FANCC: variants seen among roughly 807,000 people sequenced by gnomAD.
FANCC encodes FA complementation group C.
FANCC carries 55 observed loss-of-function variants against 71.3 expected under a neutral mutation model. The observed-to-expected ratio is 0.77, with a 90% CI of 0.62 to 0.97. The LOEUF is 0.97. Ranked by LOEUF, FANCC falls within the 50% of genes least tolerant of loss-of-function variation. The pLI is 0.00. For missense variants in FANCC, 678 were observed against 670.9 expected, an observed-to-expected ratio of 1.01 and a Z score of -0.12; for synonymous variants, 275 against 244.9, an observed-to-expected ratio of 1.12 and a Z score of -1.15.
At chr9:95,155,770 T>G (rs1323377317) in intron 6 of FANCC, among the ~76,000 whole-genome samples, 2 of 152,250 alleles carry the variant, frequency 1.3e-5, no homozygotes, top group African/African-American at 4.8e-5. Flanking sequence ...CAGGCTAGAG[T>G]GCAGTGGTGC....
intron 11 of FANCC, among the ~76,000 whole-genome samples, chr9:95,115,266 A>G (rs2072298822): frequency 6.6e-6 from 1 of 152,306 alleles, no homozygotes; most frequent in South Asian, 2.1e-4. Flanking sequence ...ATTCAGGTAC[A>G]TGGAAGTAGC....
Position 95,171,128 on chromosome 9 carries a change from C to T in FANCC, c.472G>A (p.Ala158Thr), listed in dbSNP as rs372338418. Reference sequence around the variant, plus strand: ...AGATGATTCTCTCTGAGTTCAGACGCTAATGATAAAACCATCTGTAAAACA... The same window carrying T: ...AGATGATTCTCTCTGAGTTCAGACGTTAATGATAAAACCATCTGTAAAACA... ...GLLKNMVLSL[A>T]SELRENHLNG... Residue 158 changes from alanine (A) to threonine (T), a missense_variant, in exon 6 of 15, where the codon GCG becomes ACG. Ala to Thr is a moderately conservative substitution (Grantham distance 58, BLOSUM62 0). Transcript: ENST00000289081. 6.2e-7 allele frequency: 1 copy of T among 1,613,364 alleles called. No homozygotes were observed. Among genetic ancestry groups the T allele is most frequent in the Non-Finnish European group, 8.5e-7 (1 of 1,179,512 alleles).
chr9:95,288,174 T>C (rs1336853351), intron 1 of FANCC, among the ~76,000 whole-genome samples: 5 of 152,218 alleles, frequency 3.3e-5, no homozygotes, highest in Non-Finnish European at 7.3e-5. Flanking sequence ...CTAAAAACAT[T>C]CTTGCTTTCT....
At chr9:95,252,465 G>A (rs1289097275) in intron 1 of FANCC, among the ~76,000 whole-genome samples, 3 of 151,690 alleles carry the variant, frequency 2.0e-5, no homozygotes, top group Non-Finnish European at 4.4e-5. Flanking sequence ...GCAGGCCCGG[G>A]GCTGGGCGCC....
At chr9:95,227,670 G>C (rs1829708093) in intron 4 of FANCC, among the ~76,000 whole-genome samples, 1 of 152,076 alleles carries the variant, frequency 6.6e-6, no homozygotes, top group Admixed American at 6.6e-5. Context: ...GTGTCCCCCA[G>C]CCCCCATTTA....
intron 4 of FANCC, among the ~76,000 whole-genome samples, chr9:95,194,275 C>T (rs780765735): frequency 6.6e-6 from 1 of 152,104 alleles, no homozygotes; most frequent in East Asian, 1.9e-4. Context: ...TCCTACTTTT[C>T]GTTTACCTAA....
At chr9:95,136,970 ACCTGCACAT>A (rs1398444417) in intron 7 of FANCC, among the ~76,000 whole-genome samples, 1 of 152,014 alleles carries the variant, frequency 6.6e-6, no homozygotes, top group Non-Finnish European at 1.5e-5. Flanking sequence ...CCTGCCCTTT[ACCTGCACAT>A]CCCAGACAGT....
rs777734585 is a variant in FANCC, at chr9:95,171,090, G to A, written c.510C>T (p.Asn170=). Residue 170 remains asparagine, a synonymous_variant, in exon 6 of 15, where the codon AAC becomes AAT. Coordinates refer to ENST00000289081, the MANE Select transcript of FANCC (RefSeq NM_000136.3). ...AGTTTAACACCTACCGCCTTTGAGT[G>A]TTAAATCCATTAAGATGATTCTCTC... ...ELRENHLNGF[N]TQRRMAPERV... 1.2e-6 allele frequency: 2 copies of A among 1,612,644 alleles called. No individual in the cohort carries two copies. Among genetic ancestry groups the A allele is most frequent in the African/African-American group, 2.7e-5 (2 of 74,886 alleles).
At chr9:95,315,729 T>C (rs2136445677) in intron 1 of FANCC, among the ~76,000 whole-genome samples, 1 of 152,338 alleles carries the variant, frequency 6.6e-6, no homozygotes, top group African/African-American at 2.4e-5. Context: ...TTTGAGGCCC[T>C]AACACTACCA....
At chr9:95,221,158 G>A (rs536519777) in intron 4 of FANCC, among the ~76,000 whole-genome samples, 253 of 152,174 alleles carry the variant, frequency 1.7e-3, no homozygotes, top group Non-Finnish European at 2.5e-3. Context: ...GCTTGAACCC[G>A]GGAGCTGAGA....
At chr9:95,102,070 C>T (rs541160242) in intron 14 of FANCC, among the ~76,000 whole-genome samples, 10 of 152,312 alleles carry the variant, frequency 6.6e-5, no homozygotes, top group African/African-American at 1.9e-4. Context: ...CATTTCCTAA[C>T]GAGCCTCCTC....
In FANCC at chr9:95,247,519, G is replaced by A. The variant is rs1554857868; in HGVS notation, c.166-3C>T. The A allele has an allele frequency of 1.2e-6, 2 of 1,610,398 alleles. No individual in the cohort carries two copies. The highest frequency in any genetic ancestry group is 1.1e-5 in the South Asian group (1 of 90,994). On this transcript the variant is annotated splice_polypyrimidine_tract_variant and splice_region_variant and intron_variant, in intron 2 of 14. Coordinates refer to ENST00000289081, the MANE Select transcript of FANCC (RefSeq NM_000136.3). ...CTTTCAATGACTGTATTAGAATCCT[G>A]TGAAAGAAAAATAAATTTTGGTCAG...
At position 95,111,570 on chromosome 9, in the gene FANCC, C is replaced by T. The variant is rs2134550134; in HGVS notation, c.1222G>A (p.Ala408Thr). ...IHFGGWAEMV[A>T]EQLLMSAAEP... ...GCTGCCGACATCAGTAATTGCTCTG[C>T]CACCATCTCAGCCCATCCTCCGAAG... Residue 408 changes from alanine to threonine, a missense_variant, in exon 13 of 15, where the codon GCA becomes ACA. Ala to Thr is a moderately conservative substitution (Grantham distance 58). Transcript: ENST00000289081. 1 of 1,614,190 alleles carries T rather than the reference C, an allele frequency of 6.2e-7. No homozygotes were observed. Among genetic ancestry groups the T allele is most frequent in the Non-Finnish European group, 8.5e-7 (1 of 1,180,042 alleles).
intron 4 of FANCC, among the ~76,000 whole-genome samples, chr9:95,200,523 G>A (rs4647464): frequency 0.023 from 3,488 of 152,244 alleles, 143 homozygotes; most frequent in African/African-American, 0.08. Context: ...GTGGCAAGAC[G>A]AACAGCAGAG....
chr9:95,252,852 C>T (rs969316800), intron 1 of FANCC, among the ~76,000 whole-genome samples: 2 of 150,796 alleles, frequency 1.3e-5, no homozygotes, highest in African/African-American at 2.4e-5. Flanking sequence ...AGTTTGAGAC[C>T]AGCCTGGGCA....
intron 8 of FANCC, among the ~76,000 whole-genome samples, chr9:95,128,359 T>C (rs1486653874): frequency 6.6e-6 from 1 of 152,252 alleles, no homozygotes; most frequent in African/African-American, 2.4e-5. Context: ...AGCACTGTTA[T>C]GTGCCCACAG....
At chr9:95,205,851 A>G (rs1828089564) in intron 4 of FANCC, among the ~76,000 whole-genome samples, 1 of 152,192 alleles carries the variant, frequency 6.6e-6, no homozygotes, top group Non-Finnish European at 1.5e-5. Flanking sequence ...TTTGCAGATG[A>G]CTCAAATTTT....
At chr9:95,165,902 G>A (rs1831038338) in intron 6 of FANCC, among the ~76,000 whole-genome samples, 1 of 151,946 alleles carries the variant, frequency 6.6e-6, no homozygotes, top group Admixed American at 6.6e-5. Flanking sequence ...TTGTGTTACT[G>A]TCTCTTTCTC....
intron 4 of FANCC, among the ~76,000 whole-genome samples, chr9:95,209,706 C>A (rs1828373279): frequency 6.6e-6 from 1 of 152,166 alleles, no homozygotes; most frequent in South Asian, 2.1e-4. Context: ...TTATAAAATA[C>A]ACCATCAATA....
Sources: allele counts gnomAD v4.1 joint callset (sites outside exome capture counted in the v4.1 genomes callset), GRCh38; gene constraint gnomAD v4.1.1; transcripts MANE v1.5; gene names NCBI Gene and HGNC (gene_info 2026-07-23, HGNC 2026-07-21).